STAT5A: variants seen among roughly 807,000 people sequenced by gnomAD.
The protein encoded by STAT5A is signal transducer and activator of transcription 5A, also known as epididymis secretory sperm binding protein.
Under a neutral mutation model 100.2 loss-of-function variants are expected in STAT5A, and 26 were observed. The ratio of observed to expected loss-of-function variants is 0.26; its 90% CI spans 0.19 to 0.36. STAT5A has a LOEUF of 0.36. STAT5A is among the 10% of genes least tolerant of loss of function. The pLI, the probability that STAT5A is intolerant of heterozygous loss-of-function variation, is 1.00. For missense variants in STAT5A, 634 were observed against 1,027.5 expected (o/e 0.62, Z 5.24); for synonymous variants, 330 against 424.3 (o/e 0.78, Z 2.73).
rs145314397 is a variant in STAT5A at position 42,295,722 on chromosome 17, A to T, written c.479A>T (p.Asn160Ile). The stretch of plus-strand genomic sequence containing the variant: ...CGACTGGTCACGCAGGACACAGAGA[A>T]TGAGCTGAAGAAACTGCAGCAGACT... ...ELRLVTQDTENELKKLQQTQE... is the reference protein window; with the variant it reads ...ELRLVTQDTEIELKKLQQTQE... Residue 160 changes from asparagine to isoleucine, a missense_variant, in exon 5 of 19, where the codon AAT becomes ATT. Transcript: ENST00000590949. 2 of 1,613,862 alleles carry T rather than the reference A, an allele frequency of 1.2e-6. No homozygotes were observed. The highest frequency in any genetic ancestry group is 2.7e-5 in the African/African-American group (2 of 74,930).
rs2080874380 is a variant in STAT5A, at chr17:42,292,072, C to G, written c.375+11C>G. On this transcript the variant is annotated intron_variant, in intron 4 of 18. Coordinates refer to ENST00000590949, the MANE Select transcript of STAT5A (RefSeq NM_001288718.2). ...CGAGAAGCCAACAATGTGAGTGTCC[C>G]TTGGGGATGGGGAGGAGTGTTGAGA... 1.2e-6 allele frequency: 2 copies of G among 1,613,446 alleles called. No homozygotes were observed. Among genetic ancestry groups the G allele is most frequent in the Non-Finnish European group, 1.7e-6 (2 of 1,179,672 alleles).
chr17:42,290,921 C>G (rs188844527), intron 3 of STAT5A, among the ~76,000 whole-genome samples: 2 of 152,140 alleles, frequency 1.3e-5, no homozygotes, highest in Non-Finnish European at 2.9e-5. Context: ...TTCCATGGAC[C>G]GGGATTGGGC....
At chr17:42,309,009 A>G (rs1398589337) in intron 16 of STAT5A, 38 bp from the exon 17 acceptor site, 2 of 1,614,116 alleles carry the variant, frequency 1.2e-6, no homozygotes, top group Admixed American at 3.3e-5. Flanking sequence ...GGGAGTTCCC[A>G]GAGACTTTGG....
At chr17:42,299,097 A>G (rs1281632841) in intron 5 of STAT5A, among the ~76,000 whole-genome samples, 1 of 152,144 alleles carries the variant, frequency 6.6e-6, no homozygotes, top group Non-Finnish European at 1.5e-5. Flanking sequence ...CTCAGGGACG[A>G]GACAGAGCCG....
At position 42,304,438 on chromosome 17, in the gene STAT5A, G is replaced by A. The variant is rs376624827; in HGVS notation, c.1257+9G>A. On this transcript the variant is annotated intron_variant, in intron 10 of 18. Coordinates refer to ENST00000590949, the MANE Select transcript of STAT5A (RefSeq NM_001288718.2). The surrounding 1 kb of genome is among the most constrained non-coding windows in gnomAD (Gnocchi z 4.8). Reference sequence around the variant, plus strand: ...CCCACTTCAGGAACATGGTGAGGACGGGGCCCACCCTCGGAGGGCAGGTCT... The same window carrying A: ...CCCACTTCAGGAACATGGTGAGGACAGGGCCCACCCTCGGAGGGCAGGTCT... The A allele has an allele frequency of 4.7e-5, 76 of 1,614,094 alleles. No homozygotes were observed. Among genetic ancestry groups the A allele is most frequent in the Non-Finnish European group, 5.8e-5 (68 of 1,180,036 alleles).
At chr17:42,303,567 A>G (rs968292012) in intron 9 of STAT5A, among the ~76,000 whole-genome samples, 18 of 151,948 alleles carry the variant, frequency 1.2e-4, no homozygotes, top group African/African-American at 3.9e-4. Flanking sequence ...AAAATTAGCC[A>G]GGTATGGTTG....
Position 42,305,729 on chromosome 17 carries a change from A to G in STAT5A, c.1473+27A>G. The G allele has an allele frequency of 3.7e-6, 6 of 1,611,606 alleles. No homozygotes were observed. The African/African-American group carries it at 4.0e-5, about 11-fold the overall frequency. On this transcript the variant is annotated intron_variant, in intron 12 of 18. Coordinates refer to ENST00000590949, the MANE Select transcript of STAT5A (RefSeq NM_001288718.2). ...TGAGTCCCCGTGGGAGCCCTACCCCAGCACCCCCAGGCCCTAGGACTCACC... is the reference window on the plus strand; with the variant it reads ...TGAGTCCCCGTGGGAGCCCTACCCCGGCACCCCCAGGCCCTAGGACTCACC...
chr17:42,304,508 CCT>C lies in STAT5A; in HGVS notation c.1258-21_1258-20del, dbSNP rs765598097. 6.2e-7 allele frequency: 1 copy of C among 1,614,186 alleles called. No homozygotes were observed. The highest frequency in any genetic ancestry group is 8.5e-7 in the Non-Finnish European group (1 of 1,180,020). On this transcript the variant is annotated intron_variant, in intron 10 of 18. Coordinates refer to ENST00000590949, the MANE Select transcript of STAT5A (RefSeq NM_001288718.2). This position sits in a 1 kb window ranked among gnomAD's most constrained non-coding sequence, Gnocchi z 4.8. Reference sequence around the variant, plus strand: ...TAAGCAGCCGCCATCTCCCTGTTCCCCTGTCACCTCCCACCCTGCAGTCACTG... The same window carrying C: ...TAAGCAGCCGCCATCTCCCTGTTCCCGTCACCTCCCACCCTGCAGTCACTG...
chr17:42,293,749 G>A (rs1485806247), intron 4 of STAT5A, among the ~76,000 whole-genome samples: 1 of 152,214 alleles, frequency 6.6e-6, no homozygotes, highest in Non-Finnish European at 1.5e-5. Flanking sequence ...CTGTGGACAG[G>A]CATGTCTGAG....
rs747917320 is a variant in STAT5A at position 42,295,830 on chromosome 17, GGGA to G, written c.550+39_550+41del. ...TGGAGGCAGTGTGCATCCGGAGGGT[GGGA>G]GTGAGGAACATTCTATGGACTCCTA... On this transcript the variant is annotated intron_variant, in intron 5 of 18. Transcript: ENST00000590949. 3.1e-6 allele frequency: 5 copies of G among 1,607,418 alleles called. No homozygotes were observed. The African/African-American group carries it at 5.3e-5, about 17-fold the overall frequency.
chr17:42,292,161 G>A, intron 4 of STAT5A, 100 bp downstream of exon 4: 1 of 1,416,924 alleles, frequency 7.1e-7, no homozygotes, highest in Non-Finnish European at 9.8e-7. Flanking sequence ...AGCACGAGGA[G>A]AGCACCAAGA....
intron 5 of STAT5A, 121 bp from the exon 6 acceptor site, chr17:42,299,630 T>A: frequency 2.6e-6 from 4 of 1,524,230 alleles, no homozygotes; most frequent in Non-Finnish European, 3.5e-6. Flanking sequence ...AACCCCGACT[T>A]GCTCTTGATG....
chr17:42,310,317 T>C (rs781617295), intron 18 of STAT5A, among the ~76,000 whole-genome samples, 190 bp from the exon 19 acceptor site: 3 of 152,184 alleles, frequency 2.0e-5, no homozygotes, highest in Non-Finnish European at 4.4e-5. Flanking sequence ...GAGATGCGAA[T>C]AGAGTGGGGG....
At chr17:42,294,588 C>A (rs889115646) in intron 4 of STAT5A, among the ~76,000 whole-genome samples, 2 of 152,200 alleles carry the variant, frequency 1.3e-5, no homozygotes, top group Non-Finnish European at 2.9e-5. Context: ...TCAGAGATGA[C>A]CCCTCTGCAA....
At position 42,304,907 on chromosome 17, in the gene STAT5A, G is replaced by A. The variant is rs1443768430; in HGVS notation, c.1380+255G>A. Among the ~76,000 whole-genome samples, 1 of 152,182 alleles carries A rather than the reference G, an allele frequency of 6.6e-6. No homozygotes were observed. Among genetic ancestry groups the A allele is most frequent in the Non-Finnish European group, 1.5e-5 (1 of 68,048 alleles). ...GCTTGTGTTTGGAACTGTGGGTGAG[G>A]AAAGTGGGTTGGGACCAGGTGTGGT... On this transcript the variant is annotated intron_variant, in intron 11 of 18. Coordinates refer to ENST00000590949, the MANE Select transcript of STAT5A (RefSeq NM_001288718.2). The surrounding 1 kb of genome is among the most constrained non-coding windows in gnomAD (Gnocchi z 4.8).
At chr17:42,287,804 G>C (rs963669629), upstream of STAT5A, 1 of 152,260 alleles carries the variant, frequency 6.6e-6, no homozygotes, top group Admixed American at 6.5e-5. Context: ...ATTGTGGAGA[G>C]GGGGAGGGCT....
In STAT5A at chr17:42,307,731, C is replaced by T. The variant is rs1300295888; in HGVS notation, c.1906+8C>T. On this transcript the variant is annotated splice_region_variant and intron_variant, in intron 15 of 18. Transcript: ENST00000590949. Reference sequence around the variant, plus strand: ...CCTGGAAGTTTGACTCCCGTGAGTGCCCGTTTTGCCCACACTCCAGCCCCA... The same window carrying T: ...CCTGGAAGTTTGACTCCCGTGAGTGTCCGTTTTGCCCACACTCCAGCCCCA... The T allele has an allele frequency of 3.1e-6, 5 of 1,612,900 alleles. No individual in the cohort carries two copies. The highest frequency in any genetic ancestry group is 1.7e-5 in the Admixed American group (1 of 59,960).
intron 9 of STAT5A, among the ~76,000 whole-genome samples, 157 bp downstream of exon 9, chr17:42,301,611 C>T (rs2080980070): frequency 1.3e-5 from 2 of 152,188 alleles, no homozygotes; most frequent in African/African-American, 2.4e-5. Flanking sequence ...CCACCTCAGC[C>T]TCCCAAAGTG....
At position 42,310,375 on chromosome 17, in the gene STAT5A, G is replaced by C. The variant is rs1412929047; in HGVS notation, c.2223-132G>C. ...CTGCTACCCAGCTTGGGGTGGGGTG[G>C]GGGCATCCAGCCAGAACTGGTCCTG... On this transcript the variant is annotated intron_variant, in intron 18 of 18. Coordinates refer to ENST00000590949, the MANE Select transcript of STAT5A (RefSeq NM_001288718.2). 9 of 946,240 alleles carry C rather than the reference G, an allele frequency of 9.5e-6. No individual in the cohort carries two copies. In the African/African-American group the frequency reaches 1.3e-4, roughly 14 times the overall value. The allele number at this position is 946,240 out of a possible 1,614,324, so 58.6% of individuals were successfully genotyped here. A position where few individuals can be genotyped will look rare whatever the true frequency, so the allele number is the denominator to read the frequency against.
Sources: gnomAD v4.1 joint callset for allele counts (sites outside exome capture counted in the v4.1 genomes callset) on GRCh38, gnomAD v4.1.1 for gene constraint, Gnocchi (gnomAD v3.1) non-coding constraint, MANE v1.5 for transcripts, NCBI Gene and HGNC (gene_info 2026-07-23, HGNC 2026-07-21) for gene names.